Variants in NSMCE2 observed in about 807,000 individuals in gnomAD.
NSMCE2 encodes E3 SUMO-protein ligase NSE2.
A neutral mutation model predicts 23.8 loss-of-function variants in NSMCE2; 24 were observed. The observed-to-expected ratio is 1.01, with a 90% confidence interval of 0.73 to 1.42. The LOEUF (loss-of-function observed/expected upper bound fraction) is 1.42. Ranked by LOEUF, NSMCE2 falls within the 40% of genes most tolerant of loss-of-function variation. The probability of loss-of-function intolerance (pLI) is 0.00; values close to 1 mark genes in which losing one functional copy is unlikely to be tolerated. For synonymous variants in NSMCE2, 92 were observed against 94.1 expected (o/e 0.98, Z 0.13); for missense variants, 284 against 296.5 (o/e 0.96, Z 0.31).
At position 125,102,317 on chromosome 8, in the gene NSMCE2, G is replaced by A. The variant is rs756913785; in HGVS notation, c.-14G>A. On this transcript the variant is annotated splice_region_variant and 5_prime_UTR_variant, in exon 3 of 8. Coordinates refer to ENST00000287437, the MANE Select transcript of NSMCE2 (RefSeq NM_173685.4). ...TGTTTCATTGTGTTTGAAAACTTAG[G>A]TACTAATTTCAAGATGCCAGGACGT... 16 of 1,606,434 alleles carry A rather than the reference G, an allele frequency of 1.0e-5. No homozygotes were observed. The highest frequency in any genetic ancestry group is 5.0e-5 in the Admixed American group (3 of 59,520).
chr8:125,295,608 T>A (rs941575696), intron 5 of NSMCE2, among the ~76,000 whole-genome samples: 3 of 152,060 alleles, frequency 2.0e-5, no homozygotes, highest in African/African-American at 4.8e-5. Context: ...ACAAAGGGGG[T>A]AAAGAACTGA....
At chr8:125,280,785 G>A (rs1192352182) in intron 5 of NSMCE2, among the ~76,000 whole-genome samples, 1 of 152,192 alleles carries the variant, frequency 6.6e-6, no homozygotes, top group South Asian at 2.1e-4. Context: ...ACGATTCACT[G>A]ACTAATGGAG....
intron 5 of NSMCE2, among the ~76,000 whole-genome samples, chr8:125,299,826 T>C (rs1232847789): frequency 7.5e-6 from 1 of 132,994 alleles, no homozygotes; most frequent in African/African-American, 2.8e-5. Flanking sequence ...TTTTTTTTTT[T>C]TTTTTGTCTT....
At chr8:125,222,925 G>C (rs1824931303) in intron 5 of NSMCE2, among the ~76,000 whole-genome samples, 1 of 151,852 alleles carries the variant, frequency 6.6e-6, no homozygotes, top group African/African-American at 2.4e-5. Context: ...AGCCAGGTGT[G>C]GTGGTGTGTG....
intron 5 of NSMCE2, among the ~76,000 whole-genome samples, chr8:125,227,007 G>A (rs368068745): frequency 6.6e-6 from 1 of 151,928 alleles, no homozygotes; most frequent in Admixed American, 6.6e-5. Context: ...CTTTGCCTAG[G>A]GACTCACCAG....
At chr8:125,176,422 C>T (rs1280615255) in intron 4 of NSMCE2, among the ~76,000 whole-genome samples, 3 of 152,294 alleles carry the variant, frequency 2.0e-5, no homozygotes, top group East Asian at 3.9e-4. Flanking sequence ...TCTAGCCGCC[C>T]TTAAAATGTG....
intron 4 of NSMCE2, among the ~76,000 whole-genome samples, chr8:125,169,314 G>A (rs1329374535): frequency 1.3e-5 from 2 of 152,106 alleles, no homozygotes; most frequent in Non-Finnish European, 2.9e-5. Context: ...TCTTTATGCT[G>A]CTGAGTCCCA....
At chr8:125,345,671 T>C (rs1486615997) in intron 5 of NSMCE2, among the ~76,000 whole-genome samples, 3 of 152,140 alleles carry the variant, frequency 2.0e-5, no homozygotes, top group African/African-American at 7.2e-5. Flanking sequence ...AATGCCTGAA[T>C]TGAGTCTTGG....
At chr8:125,156,998 A>G (rs1199152560) in intron 4 of NSMCE2, among the ~76,000 whole-genome samples, 1 of 152,200 alleles carries the variant, frequency 6.6e-6, no homozygotes, top group Non-Finnish European at 1.5e-5. Flanking sequence ...TAGAAAGCTA[A>G]TAATTTATTC....
intron 5 of NSMCE2, among the ~76,000 whole-genome samples, chr8:125,283,085 T>G (rs1240222929): frequency 1.3e-5 from 2 of 152,232 alleles, no homozygotes; most frequent in African/African-American, 4.8e-5. Context: ...TTCACATCAG[T>G]AAGTGGAAAG....
intron 5 of NSMCE2, among the ~76,000 whole-genome samples, chr8:125,216,518 A>G (rs1222307179): frequency 3.4e-5 from 5 of 144,944 alleles, no homozygotes; most frequent in Non-Finnish European, 6.4e-5. Flanking sequence ...ACATGCCTGT[A>G]ATCCCAGCTA....
At chr8:125,246,080 A>C (rs1291430439) in intron 5 of NSMCE2, among the ~76,000 whole-genome samples, 1 of 152,190 alleles carries the variant, frequency 6.6e-6, no homozygotes, top group Non-Finnish European at 1.5e-5. Context: ...CGTGTTGGGA[A>C]TTTTTAAAAA....
chr8:125,291,741 C>T (rs975666703), intron 5 of NSMCE2, among the ~76,000 whole-genome samples: 1 of 152,126 alleles, frequency 6.6e-6, no homozygotes, highest in Non-Finnish European at 1.5e-5. Context: ...AATAGTGTTT[C>T]CAGAACTATT....
intron 5 of NSMCE2, among the ~76,000 whole-genome samples, chr8:125,307,206 A>G (rs749053918): frequency 6.6e-6 from 1 of 152,162 alleles, no homozygotes; most frequent in Non-Finnish European, 1.5e-5. Flanking sequence ...GAGACAAGGA[A>G]ATTTTTTTTT....
intron 4 of NSMCE2, among the ~76,000 whole-genome samples, chr8:125,154,924 A>G (rs1191919884): frequency 1.3e-5 from 2 of 152,216 alleles, no homozygotes; most frequent in African/African-American, 2.4e-5. Flanking sequence ...AAGAGACACT[A>G]TTGGCTGGCT....
At chr8:125,160,182 T>TC (rs910211129) in intron 4 of NSMCE2, among the ~76,000 whole-genome samples, 47 of 152,284 alleles carry the variant, frequency 3.1e-4, no homozygotes, top group African/African-American at 9.4e-4. Context: ...CTCAGTTTCT[T>TC]CTGAAAGTAG....
chr8:125,289,331 C>G (rs1828019548), intron 5 of NSMCE2, among the ~76,000 whole-genome samples: 1 of 152,192 alleles, frequency 6.6e-6, no homozygotes, highest in Non-Finnish European at 1.5e-5. Context: ...TCTTCTGCCT[C>G]CCATCTTTGC....
chr8:125,307,662 T>C (rs939450046), intron 5 of NSMCE2, among the ~76,000 whole-genome samples: 1 of 152,224 alleles, frequency 6.6e-6, no homozygotes, highest in Non-Finnish European at 1.5e-5. Context: ...GGCTTGATAC[T>C]GTTAATGGAA....
At chr8:125,293,327 G>T (rs1005828220) in intron 5 of NSMCE2, among the ~76,000 whole-genome samples, 5 of 152,118 alleles carry the variant, frequency 3.3e-5, no homozygotes, top group Non-Finnish European at 7.4e-5. Flanking sequence ...GGTTCTTATT[G>T]TTATAACCAG....
Sources: gnomAD v4.1 joint callset for allele counts (sites outside exome capture counted in the v4.1 genomes callset) on GRCh38, gnomAD v4.1.1 for gene constraint, MANE v1.5 for transcripts, NCBI Gene and HGNC (gene_info 2026-07-23, HGNC 2026-07-21) for gene names.